SMYD3: variants seen among roughly 807,000 people sequenced by gnomAD.
SMYD3 encodes SET and MYND domain containing 3, also known as histone-lysine N-methyltransferase SMYD3.
A neutral mutation model predicts 57.7 loss-of-function variants in SMYD3; 36 were observed. That is an observed-to-expected ratio of 0.62 (90% CI 0.48 to 0.82). The LOEUF (loss-of-function observed/expected upper bound fraction) is 0.82, where lower values mean the gene tolerates loss of function less well. Ranked by LOEUF, SMYD3 falls within the 40% of genes least tolerant of loss-of-function variation. SMYD3 has a pLI of 0.00. For missense variants in SMYD3, 515 were observed against 538.8 expected, an observed-to-expected ratio of 0.96 and a Z score of 0.44; for synonymous variants, 211 against 195.0, an observed-to-expected ratio of 1.08 and a Z score of -0.68.
chr1:246,235,792 G>C (rs2063505136), intron 5 of SMYD3, among the ~76,000 whole-genome samples: 1 of 152,062 alleles, frequency 6.6e-6, no homozygotes, highest in Non-Finnish European at 1.5e-5. Context: ...CAAGCTCTAA[G>C]CTCTCTCTAC....
Position 246,463,661 on chromosome 1 carries a change from C to CAAAAAAAAAAAAAAAA in SMYD3, c.164+43377_164+43392dup, listed in dbSNP as rs35482116. 1.1e-4 allele frequency among the ~76,000 whole-genome samples: 8 copies of CAAAAAAAAAAAAAAAA among 73,122 alleles called. 1 individual carries two copies. Among genetic ancestry groups the CAAAAAAAAAAAAAAAA allele is most frequent in the Non-Finnish European group, 1.4e-4 (6 of 42,144 alleles). The allele number at this position is 73,122 out of a possible 152,430, so 48.0% of individuals were successfully genotyped here. A position where few individuals can be genotyped will look rare whatever the true frequency, so the allele number is the denominator to read the frequency against. ...TGAAACCCCATCTCTACTAAAAATACAAAAAAAAAAAAAAAAAAAAAAACA... is the reference window on the plus strand; with the variant it reads ...TGAAACCCCATCTCTACTAAAAATACAAAAAAAAAAAAAAAAAAAAAAAAAAAAAAAAAAAAAAACA... On this transcript the variant is annotated intron_variant, in intron 1 of 11. Coordinates refer to ENST00000490107, the MANE Select transcript of SMYD3 (RefSeq NM_001167740.2).
chr1:246,042,752 C>T (rs1454079356), intron 5 of SMYD3, among the ~76,000 whole-genome samples: 2 of 129,556 alleles, frequency 1.5e-5, no homozygotes, highest in Admixed American at 7.8e-5. Context: ...ACACACACTT[C>T]AAAGCCTTTC....
At chr1:246,445,139 C>T (rs956736004) in intron 1 of SMYD3, among the ~76,000 whole-genome samples, 2 of 152,154 alleles carry the variant, frequency 1.3e-5, no homozygotes, top group Non-Finnish European at 2.9e-5. Context: ...TAGCACAAAA[C>T]GTAGCATGTA....
At chr1:246,299,266 G>C (rs1379493929) in intron 5 of SMYD3, among the ~76,000 whole-genome samples, 3 of 152,114 alleles carry the variant, frequency 2.0e-5, no homozygotes, top group Non-Finnish European at 4.4e-5. Context: ...CTGATCATTA[G>C]AGAAATGCAA....
intron 8 of SMYD3, among the ~76,000 whole-genome samples, chr1:245,886,572 T>G (rs1215078149): frequency 1.3e-5 from 2 of 152,118 alleles, no homozygotes. Context: ...AACAAACCGT[T>G]TGCCATATCC....
intron 5 of SMYD3, among the ~76,000 whole-genome samples, chr1:245,967,961 G>A (rs2058198070): frequency 6.6e-6 from 1 of 152,112 alleles, no homozygotes; most frequent in South Asian, 2.1e-4. Context: ...GCTTAAGGAT[G>A]TTCCTAACTT....
chr1:245,884,166 G>T (rs9287193), intron 8 of SMYD3, among the ~76,000 whole-genome samples: 1 of 151,860 alleles, frequency 6.6e-6, no homozygotes, highest in Non-Finnish European at 1.5e-5. Flanking sequence ...TCAGTACATC[G>T]AATCCAAATA....
chr1:246,481,593 C>CATATATATATATATTATAT, intron 1 of SMYD3, among the ~76,000 whole-genome samples: 1 of 27,960 alleles, frequency 3.6e-5, no homozygotes, highest in African/African-American at 1.1e-4. Context: ...TCTCAGGCTC[C>CATATATATATATATTATAT]ATATATATAT....
chr1:245,763,689 G>T (rs1212661003), intron 11 of SMYD3, among the ~76,000 whole-genome samples: 1 of 152,188 alleles, frequency 6.6e-6, no homozygotes, highest in Non-Finnish European at 1.5e-5. Context: ...TGGGCAATGG[G>T]GAGGAGGCAC....
Position 246,107,095 on chromosome 1 carries a change from C to G in SMYD3, c.532-177158G>C, listed in dbSNP as rs570862643. ...CGGGCGGATCACAAGGTCAGGAGAT[C>G]GAGACCACGGTGAAACCCCGTCTCT... On this transcript the variant is annotated intron_variant, in intron 5 of 11. Coordinates refer to ENST00000490107, the MANE Select transcript of SMYD3 (RefSeq NM_001167740.2). Among the ~76,000 whole-genome samples, 42 of 138,030 alleles carry G rather than the reference C, an allele frequency of 3.0e-4. 1 individual carries two copies. In the East Asian group the frequency reaches 3.3e-3, roughly 11 times the overall value. 90.6% of individuals were successfully genotyped at this position (138,030 alleles called of 152,430 possible). A position where few individuals can be genotyped will look rare whatever the true frequency, so the allele number is the denominator to read the frequency against.
intron 10 of SMYD3, among the ~76,000 whole-genome samples, chr1:245,785,641 G>A (rs554446521): frequency 6.7e-6 from 1 of 148,598 alleles, no homozygotes; most frequent in East Asian, 2.0e-4. Context: ...GAGAGAGAGC[G>A]AGCGAGAGAG....
chr1:245,857,266 C>G (rs1331094049), intron 10 of SMYD3, among the ~76,000 whole-genome samples: 1 of 152,208 alleles, frequency 6.6e-6, no homozygotes, highest in African/African-American at 2.4e-5. Flanking sequence ...CTGGTGGAGC[C>G]TCTGCCGTCT....
chr1:245,866,609 G>C (rs1167927529), intron 8 of SMYD3, among the ~76,000 whole-genome samples: 1 of 152,140 alleles, frequency 6.6e-6, no homozygotes, highest in African/African-American at 2.4e-5. Flanking sequence ...GCACACGCCT[G>C]TAATCCCAGA....
chr1:245,848,825 A>G (rs2050801730), intron 10 of SMYD3, among the ~76,000 whole-genome samples: 1 of 152,184 alleles, frequency 6.6e-6, no homozygotes, highest in Non-Finnish European at 1.5e-5. Context: ...GTAAAGGGAA[A>G]CAGGTATCCT....
intron 5 of SMYD3, among the ~76,000 whole-genome samples, chr1:245,934,572 G>A (rs1278542068): frequency 6.6e-6 from 1 of 151,990 alleles, no homozygotes; most frequent in East Asian, 1.9e-4. Flanking sequence ...GCCTCTTTTG[G>A]TCACATAGTT....
At chr1:245,789,709 C>T (rs1035763238) in intron 10 of SMYD3, among the ~76,000 whole-genome samples, 26 of 152,164 alleles carry the variant, frequency 1.7e-4, no homozygotes, top group Admixed American at 1.0e-3. Context: ...CTCCTCAACA[C>T]GAATAGCTGA....
At chr1:246,032,476 T>C (rs1400797098) in intron 5 of SMYD3, among the ~76,000 whole-genome samples, 1 of 152,182 alleles carries the variant, frequency 6.6e-6, no homozygotes, top group Non-Finnish European at 1.5e-5. Flanking sequence ...GAGAGACAGA[T>C]GGCAGCCAGA....
intron 5 of SMYD3, among the ~76,000 whole-genome samples, chr1:246,168,584 T>C (rs2062263716): frequency 6.6e-6 from 1 of 152,222 alleles, no homozygotes; most frequent in African/African-American, 2.4e-5. Flanking sequence ...TTAAAAAGAA[T>C]GGAGAACGTT....
intron 1 of SMYD3, among the ~76,000 whole-genome samples, chr1:246,462,585 G>A (rs1274042818): frequency 2.0e-5 from 3 of 152,158 alleles, no homozygotes; most frequent in Non-Finnish European, 4.4e-5. Flanking sequence ...CCGAGGCTCG[G>A]AGGGCAGAAG....
Sources: allele counts gnomAD v4.1 joint callset (sites outside exome capture counted in the v4.1 genomes callset), GRCh38; gene constraint gnomAD v4.1.1; transcripts MANE v1.5; gene names NCBI Gene and HGNC (gene_info 2026-07-23, HGNC 2026-07-21).